FAM184A: variants seen among roughly 807,000 people sequenced by gnomAD.
The protein encoded by FAM184A is protein FAM184A.
A neutral mutation model predicts 143.8 loss-of-function variants in FAM184A; 99 were observed. The observed-to-expected ratio is 0.69, with a 90% CI of 0.58 to 0.81. The LOEUF is 0.81. Ranked by LOEUF, FAM184A falls within the 40% of genes least tolerant of loss-of-function variation. FAM184A has a pLI of 0.00. For synonymous variants in FAM184A, 427 were observed against 446.4 expected (o/e 0.96, Z 0.55); for missense variants, 1,217 against 1,310.5 (o/e 0.93, Z 1.10).
chr6:119,144,974 G>A (rs530582317), intron 1 of FAM184A, among the ~76,000 whole-genome samples: 2 of 152,174 alleles, frequency 1.3e-5, no homozygotes, highest in Admixed American at 6.5e-5. Context: ...ACATCATCGC[G>A]TTATGTGATA....
rs1785080843 is a variant in FAM184A at position 119,011,299 on chromosome 6, G to T, written c.1653+10C>A. The T allele has an allele frequency of 6.2e-7, 1 of 1,606,636 alleles. No individual in the cohort carries two copies. The highest frequency in any genetic ancestry group is 1.1e-5 in the South Asian group (1 of 89,480). ...CTATAACATAGGCAACAGGTCTAAA[G>T]AATTCTTGCCTCTTGATTGGCTGTA... On this transcript the variant is annotated intron_variant, in intron 6 of 17. Coordinates refer to ENST00000338891, the MANE Select transcript of FAM184A (RefSeq NM_024581.6).
At chr6:119,017,152 T>C (rs1437888688) in intron 4 of FAM184A, among the ~76,000 whole-genome samples, 1 of 152,154 alleles carries the variant, frequency 6.6e-6, no homozygotes, top group African/African-American at 2.4e-5. Context: ...AGAGATAAAA[T>C]AGACTATTAT....
At chr6:119,140,794 T>A (rs1035180349) in intron 1 of FAM184A, among the ~76,000 whole-genome samples, 3 of 152,222 alleles carry the variant, frequency 2.0e-5, no homozygotes, top group Non-Finnish European at 2.9e-5. Context: ...AGAATCCTGG[T>A]ATGAGAACCC....
intron 1 of FAM184A, among the ~76,000 whole-genome samples, chr6:119,032,405 C>T (rs1318036812): frequency 6.7e-6 from 1 of 149,190 alleles, no homozygotes; most frequent in Non-Finnish European, 1.5e-5. Context: ...TTAACAGTGA[C>T]TGCCAGTCTC....
intron 1 of FAM184A, among the ~76,000 whole-genome samples, chr6:119,052,447 G>A (rs1403944221): frequency 6.6e-6 from 1 of 152,070 alleles, no homozygotes; most frequent in East Asian, 1.9e-4. Flanking sequence ...CTGGCATTAG[G>A]CCTAGGACCA....
At chr6:118,969,693 C>T (rs1327004705) in intron 14 of FAM184A, among the ~76,000 whole-genome samples, 1 of 151,726 alleles carries the variant, frequency 6.6e-6, no homozygotes, top group Admixed American at 6.6e-5. Context: ...CTCTGGGATA[C>T]ATGTGCAGAA....
At chr6:119,118,550 A>C (rs1789121524) in intron 1 of FAM184A, among the ~76,000 whole-genome samples, 1 of 152,172 alleles carries the variant, frequency 6.6e-6, no homozygotes, top group African/African-American at 2.4e-5. Flanking sequence ...TAGATCCCCA[A>C]ATTAATATTT....
In FAM184A at chr6:118,959,917, C is replaced by T. The variant is rs1358408773; in HGVS notation, c.*186G>A. 9.9e-6 allele frequency: 4 copies of T among 402,620 alleles called. No individual in the cohort carries two copies. The highest frequency in any genetic ancestry group is 8.1e-5 in the African/African-American group (4 of 49,282). 24.9% of individuals were successfully genotyped at this position (402,620 alleles called of 1,614,324 possible). A position where few individuals can be genotyped will look rare whatever the true frequency, so the allele number is the denominator to read the frequency against. On this transcript the variant is annotated 3_prime_UTR_variant, in exon 18 of 18. Transcript: ENST00000338891. ...TAAAAATAACAGTTATAATTACACACATAATATAGTACCTTATAGAATGAT... is the reference window on the plus strand; with the variant it reads ...TAAAAATAACAGTTATAATTACACATATAATATAGTACCTTATAGAATGAT...
At chr6:118,999,067 A>G (rs1784664152) in intron 9 of FAM184A, among the ~76,000 whole-genome samples, 1 of 152,146 alleles carries the variant, frequency 6.6e-6, no homozygotes, top group Non-Finnish European at 1.5e-5. Context: ...AGCAGGATCT[A>G]TTTTGAAGGT....
At chr6:119,066,642 G>A (rs776730929) in intron 1 of FAM184A, among the ~76,000 whole-genome samples, 1 of 152,118 alleles carries the variant, frequency 6.6e-6, no homozygotes, top group Admixed American at 6.5e-5. Context: ...CCTAAATAGA[G>A]CAATATTATA....
chr6:119,102,895 G>T (rs1012226740), intron 1 of FAM184A, among the ~76,000 whole-genome samples: 7 of 151,758 alleles, frequency 4.6e-5, no homozygotes, highest in African/African-American at 1.7e-4. Context: ...GCCAGGAAAT[G>T]CTACAAAGAG....
chr6:119,064,518 T>C (rs1181615351), intron 1 of FAM184A, among the ~76,000 whole-genome samples: 1 of 152,048 alleles, frequency 6.6e-6, no homozygotes, highest in African/African-American at 2.4e-5. Context: ...CTGGCAAACA[T>C]AGTAAGATCT....
chr6:119,022,955 G>A lies in FAM184A; in HGVS notation c.1140C>T (p.Val380=). The A allele has an allele frequency of 6.2e-7, 1 of 1,614,122 alleles. No homozygotes were observed. ...ERLQQQASDL[V]LKASHIGMLQ... is the part of the protein sequence containing the mutation. ...TGTGGTCACACATACTAGCTTTGAG[G>A]ACAAGATCTGAAGCTTGCTGTTGTA... The change falls in exon 3 of 18, where the codon GTC becomes GTT. Residue 380 remains valine, a synonymous_variant. Coordinates refer to ENST00000338891, the MANE Select transcript of FAM184A (RefSeq NM_024581.6).
chr6:119,008,824 A>T (rs1269915185), intron 6 of FAM184A, among the ~76,000 whole-genome samples: 4 of 152,178 alleles, frequency 2.6e-5, no homozygotes, highest in African/African-American at 4.8e-5. Context: ...CTGCACAAGC[A>T]TCCACATATT....
At chr6:119,063,417 T>C (rs954123461) in intron 1 of FAM184A, among the ~76,000 whole-genome samples, 1 of 152,246 alleles carries the variant, frequency 6.6e-6, no homozygotes, top group Non-Finnish European at 1.5e-5. Flanking sequence ...AATATCCAAA[T>C]ATAGAATGTC....
At chr6:119,144,283 G>C (rs1582653399) in intron 1 of FAM184A, among the ~76,000 whole-genome samples, 1 of 149,336 alleles carries the variant, frequency 6.7e-6, no homozygotes, top group African/African-American at 2.5e-5. Flanking sequence ...GCAGTGAGCT[G>C]AGATAGTGCC....
At chr6:119,000,662 T>C (rs909843903) in intron 9 of FAM184A, among the ~76,000 whole-genome samples, 3 of 152,172 alleles carry the variant, frequency 2.0e-5, no homozygotes, top group African/African-American at 7.2e-5. Flanking sequence ...AATTCAGGTA[T>C]GTTAAGGTAT....
intron 1 of FAM184A, among the ~76,000 whole-genome samples, chr6:119,108,202 T>A (rs973045466): frequency 6.6e-6 from 1 of 151,746 alleles, no homozygotes; most frequent in African/African-American, 2.4e-5. Flanking sequence ...CTTCCTTGTT[T>A]GTAGTAAATA....
At chr6:119,082,673 A>T (rs1406892120), upstream of FAM184A, among the ~76,000 whole-genome samples, 1 of 152,266 alleles carries the variant, frequency 6.6e-6, no homozygotes, top group Non-Finnish European at 1.5e-5. Context: ...GGACATGCTG[A>T]TGCAAGAAGT....
Sources: gnomAD v4.1 joint callset for allele counts (sites outside exome capture counted in the v4.1 genomes callset) on GRCh38, gnomAD v4.1.1 for gene constraint, MANE v1.5 for transcripts, NCBI Gene and HGNC (gene_info 2026-07-23, HGNC 2026-07-21) for gene names.